Variants in LRRIQ3 observed in about 807,000 individuals in gnomAD.
LRRIQ3 encodes leucine rich repeats and IQ motif containing 3.
A neutral mutation model predicts 59.3 loss-of-function variants in LRRIQ3; 75 were observed. The observed-to-expected ratio is 1.26, with a 90% CI of 1.05 to 1.53. The LOEUF is 1.53. LRRIQ3 is among the 40% of genes most tolerant of loss of function. LRRIQ3 has a pLI of 0.00. For missense variants in LRRIQ3, 831 were observed against 710.0 expected, an observed-to-expected ratio of 1.17 and a Z score of -1.94; for synonymous variants, 250 against 231.3, an observed-to-expected ratio of 1.08 and a Z score of -0.73.
chr1:74,048,000 C>A (rs192501856), intron 6 of LRRIQ3, among the ~76,000 whole-genome samples: 82 of 152,276 alleles, frequency 5.4e-4, no homozygotes, highest in African/African-American at 1.9e-3. Flanking sequence ...CATATGGACA[C>A]AGCAAGATGG....
intron 4 of LRRIQ3, among the ~76,000 whole-genome samples, chr1:74,155,254 C>T (rs544328316): frequency 6.6e-6 from 1 of 152,174 alleles, no homozygotes; most frequent in Admixed American, 6.5e-5. Flanking sequence ...TATCATATCT[C>T]TGCAAGTACA....
chr1:74,078,288 CT>C (rs1414417455), intron 5 of LRRIQ3, among the ~76,000 whole-genome samples: 4 of 151,834 alleles, frequency 2.6e-5, no homozygotes, highest in Middle Eastern at 6.8e-3. Context: ...CTGTTTTCAG[CT>C]CCATTCTGGT....
intron 1 of LRRIQ3, among the ~76,000 whole-genome samples, chr1:74,186,725 C>G (rs904089010): frequency 6.6e-6 from 1 of 152,136 alleles, no homozygotes; most frequent in East Asian, 1.9e-4. Context: ...CATGATATTA[C>G]TTAATTCAAT....
intron 4 of LRRIQ3, among the ~76,000 whole-genome samples, chr1:74,138,019 C>T (rs1307870612): frequency 6.6e-6 from 1 of 151,552 alleles, no homozygotes; most frequent in Non-Finnish European, 1.5e-5. Flanking sequence ...TGCAGCAAAC[C>T]ACCATGGCAC....
chr1:74,163,357 A>G (rs537577126), intron 3 of LRRIQ3, among the ~76,000 whole-genome samples: 1 of 151,674 alleles, frequency 6.6e-6, no homozygotes, highest in South Asian at 2.1e-4. Flanking sequence ...TTAAATCAGT[A>G]TTTATAAGGA....
chr1:74,086,990 C>T (rs1646333658), intron 5 of LRRIQ3, among the ~76,000 whole-genome samples: 1 of 152,064 alleles, frequency 6.6e-6, no homozygotes, highest in Admixed American at 6.6e-5. Context: ...TTACTCTTTC[C>T]TTCATATCTT....
intron 4 of LRRIQ3, among the ~76,000 whole-genome samples, chr1:74,114,808 T>C (rs938774732): frequency 2.6e-5 from 4 of 151,084 alleles, no homozygotes; most frequent in Non-Finnish European, 5.9e-5. Context: ...AATGTAAATG[T>C]TAAGCTATAA....
At chr1:74,161,917 C>T (rs927795058) in intron 3 of LRRIQ3, among the ~76,000 whole-genome samples, 1 of 151,672 alleles carries the variant, frequency 6.6e-6, no homozygotes. Context: ...TGAAGGAATC[C>T]TCTTTGTAAA....
In LRRIQ3 at chr1:74,182,692, T is replaced by C. The variant is rs1280340182; in HGVS notation, c.419A>G (p.Tyr140Cys). 1 of 1,612,594 alleles carries C rather than the reference T, an allele frequency of 6.2e-7. No homozygotes were observed. Among genetic ancestry groups the C allele is most frequent in the African/African-American group, 1.3e-5 (1 of 74,850 alleles). The change falls in exon 3 of 8, where the codon TAT (tyrosine) becomes TGT (cysteine). Residue 140 changes from tyrosine to cysteine, a missense_variant. Coordinates refer to ENST00000354431, the MANE Select transcript of LRRIQ3 (RefSeq NM_001105659.2). ...FDCPVSLKKG[Y>C]RHVLVNSIWP... is the part of the protein sequence containing the mutation. Reference sequence around the variant, plus strand: ...TATACTGTTAACAAGAACATGTCTATATCCTTTTTTAAGGCTTACTGGACA... The same window carrying C: ...TATACTGTTAACAAGAACATGTCTACATCCTTTTTTAAGGCTTACTGGACA...
At chr1:74,140,980 C>T (rs1283086083) in intron 4 of LRRIQ3, among the ~76,000 whole-genome samples, 1 of 151,660 alleles carries the variant, frequency 6.6e-6, no homozygotes, top group African/African-American at 2.4e-5. Flanking sequence ...TCTTGACAAC[C>T]TCACCCAATC....
chr1:74,196,346 C>A (rs963889106), intron 1 of LRRIQ3, among the ~76,000 whole-genome samples: 1 of 152,082 alleles, frequency 6.6e-6, no homozygotes, highest in Non-Finnish European at 1.5e-5. Context: ...AATATACAGA[C>A]CCCAAACATA....
intron 4 of LRRIQ3, among the ~76,000 whole-genome samples, chr1:74,153,444 T>A (rs190775877): frequency 6.6e-6 from 1 of 152,312 alleles, no homozygotes; most frequent in East Asian, 1.9e-4. Flanking sequence ...TGTGGGAATC[T>A]ATAGTTGCCT....
At chr1:74,064,083 T>C (rs1411021165) in intron 6 of LRRIQ3, among the ~76,000 whole-genome samples, 1 of 151,846 alleles carries the variant, frequency 6.6e-6, no homozygotes, top group African/African-American at 2.4e-5. Flanking sequence ...CAAATGTCAT[T>C]CCCCACTTTT....
intron 6 of LRRIQ3, among the ~76,000 whole-genome samples, chr1:74,054,481 A>T (rs1654463198): frequency 6.6e-6 from 1 of 152,056 alleles, no homozygotes; most frequent in Admixed American, 6.6e-5. Flanking sequence ...ACGTTTTTCA[A>T]AACTCATAGA....
At chr1:74,081,435 C>T (rs959605877) in intron 5 of LRRIQ3, among the ~76,000 whole-genome samples, 1 of 151,608 alleles carries the variant, frequency 6.6e-6, no homozygotes, top group Admixed American at 6.6e-5. Context: ...ATGATGCCTA[C>T]TCTTAGCTAC....
chr1:74,182,918 G>GA (rs1570273441), intron 2 of LRRIQ3, 57 bp from the exon 3 acceptor site: 1 of 950,124 alleles, frequency 1.1e-6, no homozygotes, highest in East Asian at 2.8e-5. Flanking sequence ...GAATAGCACA[G>GA]AAAATGGTAA....
At chr1:74,156,065 G>A (rs1648305734) in intron 3 of LRRIQ3, among the ~76,000 whole-genome samples, 199 bp from the exon 4 acceptor site, 2 of 152,148 alleles carry the variant, frequency 1.3e-5, no homozygotes, top group African/African-American at 2.4e-5. Context: ...CCCAATGTTA[G>A]AGATAGGGGC....
chr1:74,137,383 C>G (rs554944706), intron 4 of LRRIQ3, among the ~76,000 whole-genome samples: 8 of 152,058 alleles, frequency 5.3e-5, no homozygotes, highest in African/African-American at 1.9e-4. Flanking sequence ...CAAATCAAAA[C>G]CACAATGAGA....
chr1:74,197,894 C>G (rs1651329241), intron 1 of LRRIQ3, 102 bp downstream of exon 1: 1 of 256,386 alleles, frequency 3.9e-6, no homozygotes, highest in African/African-American at 2.2e-5. Context: ...CCAGTTAGGA[C>G]GAACCGCCTT....
Sources: allele counts gnomAD v4.1 joint callset (sites outside exome capture counted in the v4.1 genomes callset), GRCh38; gene constraint gnomAD v4.1.1; transcripts MANE v1.5; gene names NCBI Gene and HGNC (gene_info 2026-07-23, HGNC 2026-07-21).